Variants in TRIM29 observed in about 807,000 individuals in gnomAD.
The protein encoded by TRIM29 is tripartite motif containing 29.
TRIM29 carries 52 observed loss-of-function variants against 57.3 expected under a neutral mutation model. The observed-to-expected ratio is 0.91, with a 90% CI of 0.73 to 1.14. The LOEUF (loss-of-function observed/expected upper bound fraction) is 1.14, where lower values mean the gene tolerates loss of function less well. Among genes scored for constraint, TRIM29 ranks in the 50% most tolerant of loss-of-function variants. The probability of loss-of-function intolerance (pLI) is 0.00; values close to 1 mark genes in which losing one functional copy is unlikely to be tolerated. For synonymous variants in TRIM29, 319 were observed against 316.9 expected (o/e 1.01, Z -0.07); for missense variants, 753 against 774.6 (o/e 0.97, Z 0.33).
intron 1 of TRIM29, among the ~76,000 whole-genome samples, chr11:120,133,338 A>T (rs1242212850): frequency 6.6e-6 from 1 of 152,176 alleles, no homozygotes; most frequent in African/African-American, 2.4e-5. Context: ...GAGTGCTGTA[A>T]CTTGTGTAAG....
intron 7 of TRIM29, chr11:120,116,106 A>G (rs989552685): frequency 3.9e-5 from 6 of 152,510 alleles, no homozygotes; most frequent in African/African-American, 1.5e-4. Flanking sequence ...CACTAGCCAG[A>G]GACTAGGGCC....
At chr11:120,127,272 AG>A (rs534866347) in intron 3 of TRIM29, 63 bp downstream of exon 3, 4 of 1,425,166 alleles carry the variant, frequency 2.8e-6, no homozygotes, top group African/African-American at 2.8e-5. Flanking sequence ...TGGATGTTGG[AG>A]GGGGGTCTCA....
Position 120,128,446 on chromosome 11 carries a change from A to G in TRIM29, c.854T>C (p.Ile285Thr), listed in dbSNP as rs75068802. 9.9e-4 allele frequency: 1,601 copies of G among 1,612,436 alleles called. 9 individuals carry two copies. The African/African-American group carries it at 0.013, about 13-fold the overall frequency. The stretch of plus-strand genomic sequence containing the variant: ...CTGCCACTTCTCAGCTTCATCCTCA[A>G]TCTCAATGATCTTGAGCTGCAGCTG... ...KEQLQLKIIE[I>T]EDEAEKWQKE... is the part of the protein sequence containing the mutation. The change falls in exon 2 of 9, where the codon ATT becomes ACT. Residue 285 changes from isoleucine to threonine, a missense_variant. By Grantham distance (89) the Ile-to-Thr change is moderately conservative (BLOSUM62 -1). Transcript: ENST00000341846.
chr11:120,122,233 G>T (rs1220750889), intron 5 of TRIM29, among the ~76,000 whole-genome samples: 1 of 146,498 alleles, frequency 6.8e-6, no homozygotes, highest in Non-Finnish European at 1.5e-5. Context: ...GCCTTACCCA[G>T]GCCTCCCTCC....
At chr11:120,118,132 G>T (rs1172491108) in intron 7 of TRIM29, 91 bp downstream of exon 7, 9 of 1,169,416 alleles carry the variant, frequency 7.7e-6, no homozygotes, top group Admixed American at 7.7e-5. Context: ...GGTGAGGGAG[G>T]AACTAGCAGC....
intron 1 of TRIM29, among the ~76,000 whole-genome samples, chr11:120,134,531 T>C (rs1289289543): frequency 6.6e-6 from 1 of 152,170 alleles, no homozygotes; most frequent in Non-Finnish European, 1.5e-5. Flanking sequence ...GTCCCCCACC[T>C]GTGACATTCC....
rs149448700 is a variant in TRIM29, at chr11:120,123,026, T to C, written c.1363A>G (p.Thr455Ala). The C allele has an allele frequency of 3.1e-6, 5 of 1,613,960 alleles. No homozygotes were observed. In the African/African-American group the frequency reaches 5.3e-5, roughly 17 times the overall value. ...CTCCACTCACCCCCGAAGCTGTTCGTGTAGTTGTTCACATAGCGATGGTCA... is the reference window on the plus strand; with the variant it reads ...CTCCACTCACCCCCGAAGCTGTTCGCGTAGTTGTTCACATAGCGATGGTCA... ...GGDHRYVNNY[T>A]NSFGGEWSAP... is the part of the protein sequence containing the mutation. Residue 455 changes from threonine to alanine, a missense_variant, in exon 5 of 9, where the codon ACG becomes GCG. Transcript: ENST00000341846.
At position 120,137,175 on chromosome 11, in the gene TRIM29, G is replaced by A. The variant is rs1054543153; in HGVS notation, c.804+53C>T. The A allele has an allele frequency of 7.6e-6, 12 of 1,587,826 alleles. No individual in the cohort carries two copies. Among genetic ancestry groups the A allele is most frequent in the Non-Finnish European group, 9.5e-6 (11 of 1,161,774 alleles). On this transcript the variant is annotated intron_variant, in intron 1 of 8. Coordinates refer to ENST00000341846, the MANE Select transcript of TRIM29 (RefSeq NM_012101.4). The surrounding 1 kb of genome is among the most constrained non-coding windows in gnomAD (Gnocchi z 6.2). ...GAGTGGAGAAGATGAAGTTCGGAGG[G>A]GTGGGGTGAGAGAGGAGAGGCCTGG...
At position 120,137,256 on chromosome 11, in the gene TRIM29, G is replaced by C; in HGVS notation, c.776C>G (p.Thr259Arg). 2 of 1,614,192 alleles carry C rather than the reference G, an allele frequency of 1.2e-6. No individual in the cohort carries two copies. Among genetic ancestry groups the C allele is most frequent in the Non-Finnish European group, 1.7e-6 (2 of 1,180,044 alleles). The change falls in exon 1 of 9, where the codon ACA (threonine) becomes AGA (arginine). Residue 259 changes from threonine (T) to arginine (R), a missense_variant. Coordinates refer to ENST00000341846, the MANE Select transcript of TRIM29 (RefSeq NM_012101.4). This position sits in a 1 kb window ranked among gnomAD's most constrained non-coding sequence, Gnocchi z 6.2. ...FQEHKNHSTVTVEEAKAEKET... is the reference protein window; with the variant it reads ...FQEHKNHSTVRVEEAKAEKET... ...CTTCTCGGCCTTGGCCTCCTCCACT[G>C]TCACGGTGCTATGATTCTTGTGCTC...
At position 120,137,641 on chromosome 11, in the gene TRIM29, T is replaced by C. The variant is rs1863847904; in HGVS notation, c.391A>G (p.Ile131Val). 1 of 1,612,882 alleles carries C rather than the reference T, an allele frequency of 6.2e-7. No individual in the cohort carries two copies. Among genetic ancestry groups the C allele is most frequent in the Admixed American group, 1.7e-5 (1 of 59,964 alleles). Residue 131 changes from isoleucine (I) to valine (V), a missense_variant, in exon 1 of 9, where the codon ATT becomes GTT. By Grantham distance (29) the Ile-to-Val change is conservative. Transcript: ENST00000341846. The surrounding 1 kb of genome is among the most constrained non-coding windows in gnomAD (Gnocchi z 6.2). Reference protein sequence around the residue: ...FAEKGELRKSIFSESRKPTVS... With the variant: ...FAEKGELRKSVFSESRKPTVS... ...GTGGGCTTCCGGGACTCCGAGAAAA[T>C]GGACTTGCGCAGCTCGCCCTTTTCG... is the stretch of plus-strand genomic sequence containing the variant.
chr11:120,118,103 A>G (rs1050440349), intron 7 of TRIM29, 120 bp downstream of exon 7: 2 of 938,852 alleles, frequency 2.1e-6, no homozygotes, highest in Non-Finnish European at 3.4e-6. Flanking sequence ...CTCTCAGGCC[A>G]GGCCTCTCTC....
At chr11:120,129,690 C>T (rs1591329334) in intron 1 of TRIM29, among the ~76,000 whole-genome samples, 1 of 151,694 alleles carries the variant, frequency 6.6e-6, no homozygotes, top group African/African-American at 2.4e-5. Context: ...CCTGCAGGCA[C>T]CCGGGGAAGT....
intron 1 of TRIM29, among the ~76,000 whole-genome samples, chr11:120,132,343 T>C (rs141741552): frequency 2.3e-4 from 35 of 152,110 alleles, no homozygotes; most frequent in African/African-American, 8.0e-4. Context: ...ATCCCCACAG[T>C]CCCGCCCTGC....
In TRIM29 at chr11:120,137,772, T is replaced by G. The variant is rs1407704489; in HGVS notation, c.260A>C (p.Asp87Ala). 1.2e-6 allele frequency: 2 copies of G among 1,611,994 alleles called. No homozygotes were observed. Among genetic ancestry groups the G allele is most frequent in the Non-Finnish European group, 1.7e-6 (2 of 1,180,012 alleles). Residue 87 changes from aspartate (D) to alanine (A), a missense_variant, in exon 1 of 9, where the codon GAC (aspartate) becomes GCC (alanine). Asp to Ala is a moderately radical substitution (Grantham distance 126). Coordinates refer to ENST00000341846, the MANE Select transcript of TRIM29 (RefSeq NM_012101.4). This position sits in a 1 kb window ranked among gnomAD's most constrained non-coding sequence, Gnocchi z 6.2. The stretch of plus-strand genomic sequence containing the variant: ...GCTGAAGTAGTTGGAGTTCTTGTCG[T>G]CCCCGGACTCGACAAACTGGATGAT... The part of the protein sequence containing the change: ...RPIIQFVESG[D>A]DKNSNYFSMD...
At chr11:120,132,544 A>C (rs889797061) in intron 1 of TRIM29, among the ~76,000 whole-genome samples, 1 of 152,304 alleles carries the variant, frequency 6.6e-6, no homozygotes, top group Admixed American at 6.5e-5. Context: ...GGTTTTCCCG[A>C]GAGCAGATGG....
intron 7 of TRIM29, chr11:120,116,985 C>CT (rs1863288370): frequency 2.3e-6 from 1 of 439,064 alleles, no homozygotes; most frequent in East Asian, 7.3e-5. Context: ...CAGCCCACTG[C>CT]GACCCAGTGG....
At chr11:120,126,194 C>A (rs186894358) in intron 3 of TRIM29, 2 of 285,498 alleles carry the variant, frequency 7.0e-6, no homozygotes, top group African/African-American at 2.2e-5. Flanking sequence ...GGAGTGAACA[C>A]ACTAAAGAAA....
chr11:120,130,782 TCG>T (rs1398039182), intron 1 of TRIM29, among the ~76,000 whole-genome samples: 1 of 152,152 alleles, frequency 6.6e-6, no homozygotes, highest in Non-Finnish European at 1.5e-5. Context: ...CACACCATGC[TCG>T]GAGCAGTGTG....
At chr11:120,133,682 C>T (rs1184603420) in intron 1 of TRIM29, among the ~76,000 whole-genome samples, 1 of 152,230 alleles carries the variant, frequency 6.6e-6, no homozygotes, top group Non-Finnish European at 1.5e-5. Context: ...CTTTCCTGGG[C>T]AGACCAGCGC....
Sources: gnomAD v4.1 joint callset for allele counts (sites outside exome capture counted in the v4.1 genomes callset) on GRCh38, gnomAD v4.1.1 for gene constraint, Gnocchi (gnomAD v3.1) non-coding constraint, MANE v1.5 for transcripts, NCBI Gene and HGNC (gene_info 2026-07-23, HGNC 2026-07-21) for gene names.